Variants in RARB observed in about 807,000 individuals in gnomAD.
RARB encodes retinoic acid receptor beta.
Under a neutral mutation model 51.9 loss-of-function variants are expected in RARB, and 17 were observed. The ratio of observed to expected loss-of-function variants is 0.33; its 90% CI spans 0.22 to 0.49. The LOEUF (loss-of-function observed/expected upper bound fraction) is 0.49. Among genes scored for constraint, RARB ranks in the 20% least tolerant of loss-of-function variants. The pLI, the probability that RARB is intolerant of heterozygous loss-of-function variation, is 0.99. For missense variants in RARB, 369 were observed against 550.8 expected (o/e 0.67, Z 3.30); for synonymous variants, 215 against 195.4 (o/e 1.10, Z -0.84).
chr3:24,832,496 C>A (rs1702294598), intron 1 of RARB, among the ~76,000 whole-genome samples: 1 of 151,676 alleles, frequency 6.6e-6, no homozygotes. Context: ...TGGCTACAAA[C>A]TTATTTGTTT....
Position 25,449,121 on chromosome 3 carries a change from G to A in RARB, c.158-12072G>A, listed in dbSNP as rs939866929. ...GAGTCCTCTCCTCCTCTGCCTCCCC[G>A]AAGAGCCCTGGAGCTGGTGGTTGTG... On this transcript the variant is annotated intron_variant, in intron 1 of 7. Coordinates refer to ENST00000330688, the MANE Select transcript of RARB (RefSeq NM_000965.5). Among the ~76,000 whole-genome samples, 8 of 151,982 alleles carry A rather than the reference G, an allele frequency of 5.3e-5. No homozygotes were observed. The East Asian group carries it at 1.2e-3, about 22-fold the overall frequency.
intron 3 of RARB, among the ~76,000 whole-genome samples, chr3:25,070,707 G>A (rs531524960): frequency 6.6e-6 from 1 of 152,284 alleles, no homozygotes; most frequent in South Asian, 2.1e-4. Flanking sequence ...ACAACCCTAT[G>A]TGGAAAGTTC....
chr3:25,033,748 C>A (rs1456492698), intron 2 of RARB, among the ~76,000 whole-genome samples: 1 of 152,160 alleles, frequency 6.6e-6, no homozygotes, highest in African/African-American at 2.4e-5. Context: ...CAGCTTGGAA[C>A]CACACAGGGA....
chr3:25,524,956 T>C (rs1816526), intron 3 of RARB, among the ~76,000 whole-genome samples: 5,944 of 152,146 alleles, frequency 0.039, 374 homozygotes, highest in African/African-American at 0.14. Flanking sequence ...CTCAAACTCC[T>C]GACCTCAGGT....
intron 3 of RARB, among the ~76,000 whole-genome samples, chr3:25,566,325 T>C (rs1575525258): frequency 6.6e-6 from 1 of 152,172 alleles, no homozygotes; most frequent in East Asian, 1.9e-4. Flanking sequence ...TGTGGAAGAA[T>C]TTGTGATAAT....
chr3:25,478,987 C>T (rs1210932801), intron 2 of RARB, among the ~76,000 whole-genome samples: 2 of 152,130 alleles, frequency 1.3e-5, no homozygotes, highest in African/African-American at 4.8e-5. Flanking sequence ...GGGTGGTGAA[C>T]TCCTGTTGAC....
At chr3:25,411,183 T>C (rs1339775692) in intron 5 of RARB, among the ~76,000 whole-genome samples, 1 of 152,242 alleles carries the variant, frequency 6.6e-6, no homozygotes, top group African/African-American at 2.4e-5. Context: ...TAATAGTTTA[T>C]GTTTTAACAT....
chr3:25,227,967 A>G (rs73149244), intron 5 of RARB, among the ~76,000 whole-genome samples: 1,827 of 152,120 alleles, frequency 0.012, 32 homozygotes, highest in African/African-American at 0.042. Context: ...CATTGCCTCT[A>G]TGTCTTTTGG....
intron 2 of RARB, among the ~76,000 whole-genome samples, chr3:25,041,459 A>G (rs1698112952): frequency 6.6e-6 from 1 of 152,104 alleles, no homozygotes; most frequent in African/African-American, 2.4e-5. Flanking sequence ...CCCTAACTGC[A>G]ATAACTGGTC....
chr3:25,416,963 GT>G (rs774411079), intron 5 of RARB, among the ~76,000 whole-genome samples: 2 of 152,156 alleles, frequency 1.3e-5, no homozygotes, highest in Non-Finnish European at 2.9e-5. Flanking sequence ...CACCAACTTA[GT>G]TTTGCCACAC....
In RARB at chr3:24,941,019, C is replaced by T. The variant is rs76064173; in HGVS notation, c.-380+82267C>T. ...ATTAAATTTTGAATCGTTTACCATC[C>T]TATATTGAAATAGAACTCCCTTTCC... On this transcript the variant is annotated intron_variant, in intron 2 of 11. Transcript: ENST00000383772. Among the ~76,000 whole-genome samples the T allele has an allele frequency of 1.6e-3, 244 of 152,152 alleles. 4 individuals are homozygous for T. The East Asian group carries it at 0.042, about 26-fold the overall frequency.
rs1396543443 is a variant in RARB, at chr3:25,276,040, C to T, written c.178+101465C>T. Among the ~76,000 whole-genome samples, 4 of 152,222 alleles carry T rather than the reference C, an allele frequency of 2.6e-5. No individual in the cohort carries two copies. The East Asian group carries it at 7.7e-4, about 29-fold the overall frequency. The stretch of plus-strand genomic sequence containing the variant: ...GATATCCCTAGGTCACTTAACCTCT[C>T]TGAGGCTCAGCTTCCCCTTCTGTAA... On this transcript the variant is annotated intron_variant, in intron 5 of 11. Coordinates refer to the RARB transcript ENST00000383772.
At chr3:24,839,717 AAAGGG>A (rs1444299681) in intron 1 of RARB, among the ~76,000 whole-genome samples, 51 of 21,888 alleles carry the variant, frequency 2.3e-3, no homozygotes, top group East Asian at 0.023. Context: ...AAAAAAAAAA[AAAGGG>A]GGGGGGGGTG....
chr3:25,171,569 C>T (rs766514721), intron 4 of RARB, among the ~76,000 whole-genome samples: 3 of 112,274 alleles, frequency 2.7e-5, no homozygotes, highest in Non-Finnish European at 5.0e-5. Flanking sequence ...CAATCTGCAG[C>T]GTTTGAAAGC....
intron 2 of RARB, among the ~76,000 whole-genome samples, chr3:24,987,479 A>T (rs573894610): frequency 6.6e-6 from 1 of 152,342 alleles, no homozygotes; most frequent in South Asian, 2.1e-4. Context: ...ACACACTGCA[A>T]AGGGAGGTTA....
At chr3:24,959,864 C>A (rs766909991) in intron 2 of RARB, among the ~76,000 whole-genome samples, 41 of 152,220 alleles carry the variant, frequency 2.7e-4, no homozygotes, top group Admixed American at 2.7e-3. Flanking sequence ...TTAATGTTCA[C>A]AAGAACCCTA....
intron 5 of RARB, among the ~76,000 whole-genome samples, chr3:25,321,362 T>A (rs1392124469): frequency 1.3e-5 from 2 of 152,166 alleles, no homozygotes; most frequent in Non-Finnish European, 1.5e-5. Flanking sequence ...GTCTTTTTTG[T>A]TGACCAAAAA....
chr3:25,164,958 C>T (rs1451519823), intron 4 of RARB, among the ~76,000 whole-genome samples: 3 of 152,070 alleles, frequency 2.0e-5, no homozygotes, highest in Non-Finnish European at 4.4e-5. Flanking sequence ...ACGTGCAGGT[C>T]GACCTTCAGC....
chr3:25,516,843 T>C (rs930129177), intron 3 of RARB, among the ~76,000 whole-genome samples: 1 of 152,184 alleles, frequency 6.6e-6, no homozygotes, highest in African/African-American at 2.4e-5. Context: ...GCCAGGCTGA[T>C]CTCAAACACC....
Sources: allele counts gnomAD v4.1 joint callset (sites outside exome capture counted in the v4.1 genomes callset), GRCh38; gene constraint gnomAD v4.1.1; transcripts MANE v1.5; gene names NCBI Gene and HGNC (gene_info 2026-07-23, HGNC 2026-07-21).